Variants in ATP9B observed in about 807,000 individuals in gnomAD.
The protein encoded by ATP9B is ATPase phospholipid transporting 9B, also known as probable phospholipid-transporting ATPase IIB.
In ATP9B, 110 loss-of-function variants were observed where a neutral mutation model predicts 146.1. The ratio of observed to expected loss-of-function variants is 0.75; its 90% CI spans 0.65 to 0.88. The LOEUF (loss-of-function observed/expected upper bound fraction) is 0.88, where lower values mean the gene tolerates loss of function less well. Ranked by LOEUF, ATP9B falls within the 40% of genes least tolerant of loss-of-function variation. The pLI, the probability that ATP9B is intolerant of heterozygous loss-of-function variation, is 0.00. For missense variants in ATP9B, 1,499 were observed against 1,496.4 expected, an observed-to-expected ratio of 1.00 and a Z score of -0.03; for synonymous variants, 604 against 569.7, an observed-to-expected ratio of 1.06 and a Z score of -0.86.
intron 13 of ATP9B, 89 bp downstream of exon 13, chr18:79,277,285 A>G (rs1324435936): frequency 6.7e-6 from 10 of 1,485,502 alleles, no homozygotes; most frequent in Non-Finnish European, 9.2e-6. Flanking sequence ...GTTTATGTGT[A>G]TGTATATATG....
chr18:79,136,492 A>C (rs534154079), intron 5 of ATP9B, among the ~76,000 whole-genome samples: 1 of 152,190 alleles, frequency 6.6e-6, no homozygotes, highest in Non-Finnish European at 1.5e-5. Flanking sequence ...GTGGGATATA[A>C]GTTGCATTAA....
rs755875735 is a variant in ATP9B, at chr18:79,347,913, C to T, written c.2826C>T (p.Ile942=). 1 of 1,612,098 alleles carries T rather than the reference C, an allele frequency of 6.2e-7. No individual in the cohort carries two copies. The part of the protein sequence containing the change: ...GQFVMHRGLI[I]STMQAVFSSV... ...TCGTCATGCACAGGGGCCTTATCATCTCCACCATGCAGGTACTAAGCCTTC... is the reference window on the plus strand; with the variant it reads ...TCGTCATGCACAGGGGCCTTATCATTTCCACCATGCAGGTACTAAGCCTTC... The change falls in exon 24 of 30, where the codon ATC becomes ATT. Residue 942 remains isoleucine, a synonymous_variant. Coordinates refer to ENST00000426216, the MANE Select transcript of ATP9B (RefSeq NM_198531.5).
chr18:79,339,889 CA>C, intron 19 of ATP9B, among the ~76,000 whole-genome samples: 1 of 152,110 alleles, frequency 6.6e-6, no homozygotes, highest in East Asian at 1.9e-4. Flanking sequence ...TTCAAAATTA[CA>C]AGAGAACAAT....
intron 1 of ATP9B, among the ~76,000 whole-genome samples, chr18:79,083,868 T>C (rs1259735110): frequency 9.5e-5 from 14 of 147,752 alleles, no homozygotes; most frequent in African/African-American, 2.1e-4. Context: ...TCTTCTTCTT[T>C]TTTTTTTTTT....
intron 12 of ATP9B, among the ~76,000 whole-genome samples, chr18:79,259,762 G>A (rs1238019373): frequency 6.6e-6 from 1 of 152,196 alleles, no homozygotes; most frequent in Non-Finnish European, 1.5e-5. Context: ...CCTGGATTTA[G>A]GAGAGAACTT....
At chr18:79,172,710 G>C (rs1390694448) in intron 7 of ATP9B, among the ~76,000 whole-genome samples, 1 of 152,284 alleles carries the variant, frequency 6.6e-6, no homozygotes, top group Non-Finnish European at 1.5e-5. Context: ...TATGTCAATA[G>C]TTTGTTCATT....
At chr18:79,301,464 C>G (rs1025527488) in intron 13 of ATP9B, among the ~76,000 whole-genome samples, 2 of 152,118 alleles carry the variant, frequency 1.3e-5, no homozygotes, top group Admixed American at 1.3e-4. Context: ...TGCACGACTC[C>G]GTCTCAAAAA....
intron 15 of ATP9B, among the ~76,000 whole-genome samples, chr18:79,327,082 G>C (rs1412042299): frequency 2.6e-5 from 4 of 152,230 alleles, no homozygotes; most frequent in African/African-American, 9.6e-5. Context: ...CTCTCTAAGA[G>C]TGTGAACTCA....
intron 5 of ATP9B, among the ~76,000 whole-genome samples, chr18:79,132,756 GT>G (rs1470359064): frequency 6.6e-6 from 1 of 152,198 alleles, no homozygotes; most frequent in Admixed American, 6.5e-5. Flanking sequence ...CCTTTCTGTA[GT>G]TTGCTGGACC....
At chr18:79,377,195 G>A in intron 29 of ATP9B, 52 bp from the exon 30 acceptor site, 1 of 1,602,968 alleles carries the variant, frequency 6.2e-7, no homozygotes, top group Non-Finnish European at 8.5e-7. Context: ...GGCCATGAGG[G>A]CCCAGGACTT....
intron 14 of ATP9B, among the ~76,000 whole-genome samples, chr18:79,304,221 A>G (rs1212582160): frequency 6.6e-6 from 1 of 152,034 alleles, no homozygotes; most frequent in African/African-American, 2.4e-5. Context: ...CATTATTATT[A>G]TATTATGACA....
chr18:79,132,415 T>A (rs1403192762), intron 5 of ATP9B, among the ~76,000 whole-genome samples: 1 of 152,198 alleles, frequency 6.6e-6, no homozygotes, highest in East Asian at 1.9e-4. Flanking sequence ...TGATGTGCTC[T>A]CCGAGTTCTA....
intron 17 of ATP9B, among the ~76,000 whole-genome samples, chr18:79,334,697 C>A (rs949619959): frequency 6.6e-6 from 1 of 152,228 alleles, no homozygotes. Context: ...TGGGCAGGAC[C>A]GTGTGTGCTC....
At chr18:79,206,261 A>C (rs1208655093) in intron 9 of ATP9B, among the ~76,000 whole-genome samples, 1 of 152,194 alleles carries the variant, frequency 6.6e-6, no homozygotes, top group Non-Finnish European at 1.5e-5. Flanking sequence ...ACTTCTAAAG[A>C]GGAATTTAAG....
At chr18:79,339,832 G>A (rs2096849157) in intron 19 of ATP9B, among the ~76,000 whole-genome samples, 1 of 152,178 alleles carries the variant, frequency 6.6e-6, no homozygotes, top group African/African-American at 2.4e-5. Flanking sequence ...AGTAGGAAGT[G>A]CGTCATGAGG....
chr18:79,333,536 T>C (rs1193324469), intron 17 of ATP9B, among the ~76,000 whole-genome samples: 1 of 152,254 alleles, frequency 6.6e-6, no homozygotes, highest in African/African-American at 2.4e-5. Context: ...GTTTTAAATA[T>C]ACATTGAAAA....
intron 5 of ATP9B, among the ~76,000 whole-genome samples, chr18:79,137,707 T>G (rs1388510390): frequency 6.6e-6 from 1 of 152,186 alleles, no homozygotes; most frequent in Admixed American, 6.5e-5. Flanking sequence ...CTCTGCATGC[T>G]CTTAGATGCC....
chr18:79,183,926 G>T (rs561152512), intron 8 of ATP9B, among the ~76,000 whole-genome samples: 209 of 151,998 alleles, frequency 1.4e-3, no homozygotes, highest in African/African-American at 4.7e-3. Flanking sequence ...CAACATCAGG[G>T]TATCAGCGTA....
intron 5 of ATP9B, among the ~76,000 whole-genome samples, chr18:79,130,565 A>G (rs934256750): frequency 3.3e-5 from 5 of 152,264 alleles, no homozygotes; most frequent in East Asian, 1.9e-4. Flanking sequence ...AAAACTTTCT[A>G]AATTTGATAA....
Sources: allele counts gnomAD v4.1 joint callset (sites outside exome capture counted in the v4.1 genomes callset), GRCh38; gene constraint gnomAD v4.1.1; transcripts MANE v1.5; gene names NCBI Gene and HGNC (gene_info 2026-07-23, HGNC 2026-07-21).